CCNY: variants seen among roughly 807,000 people sequenced by gnomAD.
The protein encoded by CCNY is cyclin Y.
CCNY carries 19 observed loss-of-function variants against 42.8 expected under a neutral mutation model. That is an observed-to-expected ratio of 0.44 (90% confidence interval 0.31 to 0.65). The LOEUF (loss-of-function observed/expected upper bound fraction) is 0.65, where lower values mean the gene tolerates loss of function less well. Ranked by LOEUF, CCNY falls within the 30% of genes least tolerant of loss-of-function variation. The pLI is 0.07. For synonymous variants in CCNY, 165 were observed against 162.7 expected (o/e 1.01, Z -0.11); for missense variants, 370 against 437.3 (o/e 0.85, Z 1.37).
At chr10:35,252,424 G>C (rs1057370159) in intron 3 of CCNY, among the ~76,000 whole-genome samples, 1 of 152,054 alleles carries the variant, frequency 6.6e-6, no homozygotes, top group African/African-American at 2.4e-5. Flanking sequence ...AAATTAGCCA[G>C]GCGTGGTGGC....
At position 35,449,710 on chromosome 10, in the gene CCNY, A is replaced by G. The variant is rs796249342; in HGVS notation, c.155-33694A>G. 4.1e-6 allele frequency: 4 copies of G among 980,808 alleles called. No individual in the cohort carries two copies. In the African/African-American group the frequency reaches 7.0e-5, roughly 17 times the overall value. 60.8% of individuals were successfully genotyped at this position (980,808 alleles called of 1,614,324 possible). ...AGGGAGGTACCTTTTTAGGGACCAC[A>G]GGTCAGAGAGGTGCAGGGAGCAGAG... On this transcript the variant is annotated intron_variant, in intron 1 of 9. Transcript: ENST00000374704.
intron 1 of CCNY, among the ~76,000 whole-genome samples, chr10:35,445,998 T>A (rs552562368): frequency 6.6e-6 from 1 of 152,336 alleles, no homozygotes; most frequent in Non-Finnish European, 1.5e-5. Context: ...TTTACTCTCA[T>A]AAGAAAAGTC....
At chr10:35,284,595 C>T (rs1835333533) in intron 3 of CCNY, among the ~76,000 whole-genome samples, 1 of 151,862 alleles carries the variant, frequency 6.6e-6, no homozygotes, top group Non-Finnish European at 1.5e-5. Flanking sequence ...CTTCTTTTTT[C>T]GTTTATTTTC....
chr10:35,372,810 C>T (rs957254646), intron 1 of CCNY, among the ~76,000 whole-genome samples: 1 of 152,318 alleles, frequency 6.6e-6, no homozygotes, highest in Middle Eastern at 3.4e-3. Context: ...AGCCATTCTC[C>T]TGCCTCAGCC....
chr10:35,355,448 CG>C (rs368499650), intron 1 of CCNY, among the ~76,000 whole-genome samples: 22 of 151,860 alleles, frequency 1.4e-4, no homozygotes, highest in Admixed American at 6.6e-4. Flanking sequence ...GAGGCAGAGG[CG>C]GGTGGATCAC....
intron 2 of CCNY, among the ~76,000 whole-genome samples, chr10:35,488,024 CA>C: frequency 6.6e-6 from 1 of 152,226 alleles, no homozygotes. Flanking sequence ...GCAGCCAAGC[CA>C]CATCTTTTTC....
chr10:35,397,067 C>T (rs1837542491), intron 1 of CCNY, among the ~76,000 whole-genome samples: 1 of 152,224 alleles, frequency 6.6e-6, no homozygotes, highest in Non-Finnish European at 1.5e-5. Context: ...GGACCCCACA[C>T]TTTACCACAT....
chr10:35,458,830 T>C (rs1839094299), intron 1 of CCNY, among the ~76,000 whole-genome samples: 1 of 152,224 alleles, frequency 6.6e-6, no homozygotes, highest in African/African-American at 2.4e-5. Flanking sequence ...CAAGGCTCTT[T>C]GTTTCCCAAG....
intron 1 of CCNY, among the ~76,000 whole-genome samples, chr10:35,385,579 C>T (rs1406689384): frequency 6.6e-6 from 1 of 152,236 alleles, no homozygotes; most frequent in Admixed American, 6.5e-5. Context: ...GGTTATGCCA[C>T]TGTATACTCC....
intron 1 of CCNY, among the ~76,000 whole-genome samples, chr10:35,475,273 A>T (rs374797928): frequency 1.1e-4 from 16 of 152,114 alleles, no homozygotes; most frequent in Non-Finnish European, 1.2e-4. Flanking sequence ...ATTCAGATTC[A>T]GGAAATACAG....
intron 8 of CCNY, among the ~76,000 whole-genome samples, chr10:35,558,142 C>T (rs1265941079): frequency 6.6e-6 from 1 of 152,222 alleles, no homozygotes; most frequent in East Asian, 1.9e-4. Context: ...AGTAGCCTGT[C>T]ACTAGAGTCA....
At chr10:35,253,102 G>A (rs1210307020) in intron 3 of CCNY, among the ~76,000 whole-genome samples, 6 of 152,190 alleles carry the variant, frequency 3.9e-5, no homozygotes, top group Non-Finnish European at 7.3e-5. Flanking sequence ...GTTCACTGCT[G>A]ACACTATTGG....
rs75425304 is a variant in CCNY, at chr10:35,374,316, A to G, written c.154+37109A>G. On this transcript the variant is annotated intron_variant, in intron 1 of 9. Coordinates refer to ENST00000374704, the MANE Select transcript of CCNY (RefSeq NM_145012.6). ...ATTTGACATTGTTTCCAGGTAGCCA[A>G]TCCTTCCAGTTTCTCAGGAACACAG... Among the ~76,000 whole-genome samples, 94 of 152,294 alleles carry G rather than the reference A, an allele frequency of 6.2e-4. No individual in the cohort carries two copies. In the East Asian group the frequency reaches 0.011, roughly 18 times the overall value.
At chr10:35,375,021 A>G (rs527318365) in intron 1 of CCNY, among the ~76,000 whole-genome samples, 16 of 152,182 alleles carry the variant, frequency 1.1e-4, no homozygotes, top group African/African-American at 3.9e-4. Context: ...TATCTTATGA[A>G]ATGAGTTGGG....
chr10:35,563,051 C>T (rs887536000), intron 8 of CCNY, among the ~76,000 whole-genome samples: 1 of 151,906 alleles, frequency 6.6e-6, no homozygotes, highest in African/African-American at 2.4e-5. Flanking sequence ...TATCTAAATG[C>T]AGATAGTAAA....
chr10:35,537,834 G>A (rs1840916505), intron 7 of CCNY, among the ~76,000 whole-genome samples: 3 of 152,128 alleles, frequency 2.0e-5, no homozygotes. Context: ...TTGAGTTAAT[G>A]ATGAAATGAG....
rs113758673 is a variant in CCNY at position 35,353,969 on chromosome 10, G to A, written c.154+16762G>A. On this transcript the variant is annotated intron_variant, in intron 1 of 9. Transcript: ENST00000374704. The stretch of plus-strand genomic sequence containing the variant: ...GATTACAGCTGAGCTCTCAGGTGGG[G>A]CTGTAGTCAACTCATGGCTCAACTA... Among the ~76,000 whole-genome samples, 512 of 152,288 alleles carry A rather than the reference G, an allele frequency of 3.4e-3. 4 individuals carry two copies. The highest frequency in any genetic ancestry group is 0.012 in the African/African-American group (482 of 41,564).
intron 1 of CCNY, among the ~76,000 whole-genome samples, chr10:35,464,544 G>A (rs918417112): frequency 1.1e-4 from 17 of 150,800 alleles, no homozygotes; most frequent in Admixed American, 1.3e-4. Flanking sequence ...CTTATGGTGC[G>A]TCTCAAATGC....
At chr10:35,440,208 C>T (rs1299998193) in intron 1 of CCNY, among the ~76,000 whole-genome samples, 1 of 152,140 alleles carries the variant, frequency 6.6e-6, no homozygotes, top group African/African-American at 2.4e-5. Flanking sequence ...ACAGAGAGAG[C>T]AGGTGTTCTT....
Sources: allele counts gnomAD v4.1 joint callset (sites outside exome capture counted in the v4.1 genomes callset), GRCh38; gene constraint gnomAD v4.1.1; transcripts MANE v1.5; gene names NCBI Gene and HGNC (gene_info 2026-07-23, HGNC 2026-07-21).